The following KHDRBS3 variants were observed in gnomAD, a reference collection of about 807,000 sequenced individuals.
The protein encoded by KHDRBS3 is KH RNA binding domain containing, signal transduction associated 3.
In KHDRBS3, 23 loss-of-function variants were observed where a neutral mutation model predicts 45.6. The ratio of observed to expected loss-of-function variants is 0.50; its 90% CI spans 0.36 to 0.72. The LOEUF (loss-of-function observed/expected upper bound fraction) is 0.72, where lower values mean the gene tolerates loss of function less well. Among genes scored for constraint, KHDRBS3 ranks in the 30% least tolerant of loss-of-function variants. The pLI is 0.00. For synonymous variants in KHDRBS3, 162 were observed against 156.5 expected (o/e 1.04, Z -0.26); for missense variants, 352 against 424.8 (o/e 0.83, Z 1.51).
rs1036749830 is a variant in KHDRBS3 at position 135,614,256 on chromosome 8, G to A, written c.890+7219G>A. 7.2e-5 allele frequency among the ~76,000 whole-genome samples: 11 copies of A among 151,890 alleles called. 1 individual carries two copies. In the East Asian group the frequency reaches 7.7e-4, roughly 11 times the overall value. ...TTACTTCCTGTGGATACACAGCTTC[G>A]GAATAGCTAGTATAGTGAATCAAAA... On this transcript the variant is annotated intron_variant, in intron 7 of 8. Transcript: ENST00000355849.
chr8:135,493,950 A>T (rs976340369), intron 1 of KHDRBS3, among the ~76,000 whole-genome samples: 2 of 152,154 alleles, frequency 1.3e-5, no homozygotes, highest in African/African-American at 4.8e-5. Flanking sequence ...TAGAAGGCCT[A>T]TTCATGCTAT....
At chr8:135,573,165 C>T (rs1365856175) in intron 5 of KHDRBS3, among the ~76,000 whole-genome samples, 2 of 152,156 alleles carry the variant, frequency 1.3e-5, no homozygotes, top group Admixed American at 6.5e-5. Flanking sequence ...GAACTGGAGT[C>T]AGCTGTGTTT....
chr8:135,651,074 G>A (rs1036175245), downstream of KHDRBS3, among the ~76,000 whole-genome samples: 4 of 152,130 alleles, frequency 2.6e-5, no homozygotes, highest in Non-Finnish European at 4.4e-5. Context: ...GCACATGGAA[G>A]GGAGATGTGT....
chr8:135,507,021 T>C (rs935336949), intron 1 of KHDRBS3, among the ~76,000 whole-genome samples: 29 of 152,328 alleles, frequency 1.9e-4, no homozygotes, highest in African/African-American at 6.5e-4. Flanking sequence ...CTTTTAGACA[T>C]CTTTTTTCCT....
intron 1 of KHDRBS3, among the ~76,000 whole-genome samples, chr8:135,481,296 G>A (rs1207513346): frequency 7.0e-6 from 1 of 142,844 alleles, no homozygotes; most frequent in Non-Finnish European, 1.5e-5. Flanking sequence ...TTAATCACAG[G>A]TGCTTTTTTA....
intron 5 of KHDRBS3, among the ~76,000 whole-genome samples, chr8:135,565,591 C>T (rs758489054): frequency 2.0e-5 from 3 of 152,168 alleles, no homozygotes; most frequent in Non-Finnish European, 4.4e-5. Flanking sequence ...TTCAGGGATA[C>T]TTGCAGTCTG....
At chr8:135,538,582 A>T (rs959107400) in intron 2 of KHDRBS3, 1 of 152,184 alleles carries the variant, frequency 6.6e-6, no homozygotes, top group Non-Finnish European at 1.5e-5. Flanking sequence ...TTAACACTTT[A>T]TCTGATATTT....
chr8:135,509,012 A>C (rs2130565281), intron 1 of KHDRBS3, among the ~76,000 whole-genome samples: 1 of 152,308 alleles, frequency 6.6e-6, no homozygotes, highest in Non-Finnish European at 1.5e-5. Context: ...GGGACCAATA[A>C]ATCTGTAGGT....
At chr8:135,504,206 A>G (rs1375470966) in intron 1 of KHDRBS3, among the ~76,000 whole-genome samples, 1 of 152,186 alleles carries the variant, frequency 6.6e-6, no homozygotes, top group Admixed American at 6.5e-5. Flanking sequence ...TATCATTATT[A>G]ATTTTGACTC....
At chr8:135,514,864 C>T (rs1352523424) in intron 1 of KHDRBS3, among the ~76,000 whole-genome samples, 1 of 152,052 alleles carries the variant, frequency 6.6e-6, no homozygotes, top group African/African-American at 2.4e-5. Flanking sequence ...TATTTGTTAG[C>T]ATAAAGAGAT....
chr8:135,619,007 T>C (rs1830030813), intron 7 of KHDRBS3, among the ~76,000 whole-genome samples: 1 of 152,236 alleles, frequency 6.6e-6, no homozygotes, highest in South Asian at 2.1e-4. Flanking sequence ...TCACCTCATA[T>C]CTGCTCATTT....
chr8:135,528,708 G>C (rs376507820), intron 2 of KHDRBS3, among the ~76,000 whole-genome samples: 9 of 152,296 alleles, frequency 5.9e-5, no homozygotes, highest in African/African-American at 2.2e-4. Flanking sequence ...TACATTTCTG[G>C]AGGCTGGGAA....
At position 135,625,399 on chromosome 8, in the gene KHDRBS3, A is replaced by T; in HGVS notation, c.890+18362A>T. On this transcript the variant is annotated intron_variant, in intron 7 of 8. Transcript: ENST00000355849. ...GTTTCAATACATTGAGTGCTGCATC[A>T]ACTCAGCTGCCTCATCGTGCCCATT... The T allele has an allele frequency of 3.8e-6, 3 of 796,662 alleles. No individual in the cohort carries two copies. In the South Asian group the frequency reaches 4.3e-5, roughly 12 times the overall value. 49.3% of individuals were successfully genotyped at this position (796,662 alleles called of 1,614,324 possible).
intron 5 of KHDRBS3, among the ~76,000 whole-genome samples, chr8:135,569,914 G>GT (rs1444808505): frequency 1.3e-5 from 2 of 151,444 alleles, no homozygotes; most frequent in Non-Finnish European, 2.9e-5. Flanking sequence ...ATTCCATACA[G>GT]TTTTTTAAGA....
chr8:135,466,734 T>A (rs1021011600), intron 1 of KHDRBS3, among the ~76,000 whole-genome samples: 1 of 152,238 alleles, frequency 6.6e-6, no homozygotes, highest in African/African-American at 2.4e-5. Flanking sequence ...GGGAGGAATT[T>A]TGGACAAAGC....
At chr8:135,608,539 C>T (rs909429045) in intron 7 of KHDRBS3, among the ~76,000 whole-genome samples, 1 of 152,204 alleles carries the variant, frequency 6.6e-6, no homozygotes, top group African/African-American at 2.4e-5. Context: ...CTGGCACTTG[C>T]TTGTGACCGA....
At chr8:135,634,997 A>C (rs1830750630) in intron 7 of KHDRBS3, among the ~76,000 whole-genome samples, 1 of 152,222 alleles carries the variant, frequency 6.6e-6, no homozygotes, top group South Asian at 2.1e-4. Flanking sequence ...ACTCTTAAAA[A>C]CTAGTGAAGT....
chr8:135,534,073 A>G (rs1224443656), intron 2 of KHDRBS3, among the ~76,000 whole-genome samples: 1 of 152,126 alleles, frequency 6.6e-6, no homozygotes. Flanking sequence ...AGAACTGTCT[A>G]TATCTTGTAC....
At chr8:135,587,278 A>G (rs945167173) in intron 6 of KHDRBS3, among the ~76,000 whole-genome samples, 2 of 152,188 alleles carry the variant, frequency 1.3e-5, no homozygotes, top group South Asian at 2.1e-4. Flanking sequence ...TGAGATGAAC[A>G]TCTGTTAGCA....
Sources: allele counts gnomAD v4.1 joint callset (sites outside exome capture counted in the v4.1 genomes callset), GRCh38; gene constraint gnomAD v4.1.1; transcripts MANE v1.5; gene names NCBI Gene and HGNC (gene_info 2026-07-23, HGNC 2026-07-21).